The following ARID2 variants were observed in gnomAD, a reference collection of about 807,000 sequenced individuals.
The protein encoded by ARID2 is AT-rich interaction domain 2.
Under a neutral mutation model 184.6 loss-of-function variants are expected in ARID2, and 32 were observed. The ratio of observed to expected loss-of-function variants is 0.17; its 90% CI spans 0.13 to 0.23. The LOEUF is 0.23. Among genes scored for constraint, ARID2 ranks in the 10% least tolerant of loss-of-function variants. The pLI is 1.00. For synonymous variants in ARID2, 836 were observed against 772.6 expected, an observed-to-expected ratio of 1.08 and a Z score of -1.36; for missense variants, 1,696 against 2,197.6, an observed-to-expected ratio of 0.77 and a Z score of 4.56.
chr12:45,775,754 T>G (rs770127415), intron 3 of ARID2, among the ~76,000 whole-genome samples: 1 of 152,242 alleles, frequency 6.6e-6, no homozygotes, highest in Non-Finnish European at 1.5e-5. Context: ...GCCAGATGGA[T>G]GCAAATAGAA....
At chr12:45,740,120 C>T (rs1592046881) in intron 3 of ARID2, among the ~76,000 whole-genome samples, 1 of 152,260 alleles carries the variant, frequency 6.6e-6, no homozygotes, top group East Asian at 1.9e-4. Context: ...TTGTAGTTTA[C>T]ACCATTAAAG....
At chr12:45,762,770 A>G (rs1386587564) in intron 3 of ARID2, among the ~76,000 whole-genome samples, 1 of 152,232 alleles carries the variant, frequency 6.6e-6, no homozygotes, top group South Asian at 2.1e-4. Context: ...TTCTAAAGGT[A>G]ATAGCTATAA....
At chr12:45,826,133 G>A (rs1024091088) in intron 6 of ARID2, among the ~76,000 whole-genome samples, 1 of 151,836 alleles carries the variant, frequency 6.6e-6, no homozygotes, top group Admixed American at 6.6e-5. Flanking sequence ...ATGTAGATTT[G>A]TTTTTCTATC....
In ARID2 at chr12:45,892,076, A is replaced by C. The variant is rs755697854; in HGVS notation, c.5127A>C (p.Gly1709=). ...AACAAGATGAACCAGGACAAGCAGGAAGTCAGAAGTCTTCTACCAAGTAAG... is the reference window on the plus strand; with the variant it reads ...AACAAGATGAACCAGGACAAGCAGGCAGTCAGAAGTCTTCTACCAAGTAAG... ...GLKQDEPGQA[G]SQKSSTKQPT... Residue 1709 remains glycine, a synonymous_variant, in exon 18 of 21, where the codon GGA becomes GGC. Coordinates refer to ENST00000334344, the MANE Select transcript of ARID2 (RefSeq NM_152641.4). 1 of 1,614,014 alleles carries C rather than the reference A, an allele frequency of 6.2e-7. No homozygotes were observed. The highest frequency in any genetic ancestry group is 8.5e-7 in the Non-Finnish European group (1 of 1,179,946).
intron 3 of ARID2, among the ~76,000 whole-genome samples, chr12:45,772,196 A>G (rs1941890982): frequency 6.6e-6 from 1 of 152,250 alleles, no homozygotes; most frequent in Non-Finnish European, 1.5e-5. Context: ...GAATGGAGAA[A>G]CAAAAACATG....
intron 16 of ARID2, among the ~76,000 whole-genome samples, chr12:45,891,162 T>G (rs1044415279): frequency 8.3e-6 from 1 of 120,622 alleles, no homozygotes; most frequent in Non-Finnish European, 1.7e-5. Flanking sequence ...AGACTCCGTC[T>G]CAAAAAAAAA....
Position 45,893,646 on chromosome 12 carries a change from C to T in ARID2, c.5288C>T (p.Pro1763Leu), listed in dbSNP as rs2136462917. Residue 1763 changes from proline to leucine, a missense_variant, in exon 20 of 21, where the codon CCA becomes CTA. Transcript: ENST00000334344. Reference protein sequence around the residue: ...FRDFTDEKEGPITKHIRLTAA... With the variant: ...FRDFTDEKEGLITKHIRLTAA... ...CTTTTTAAGGATGAAAAAGAGGGACCAATAACTAAACACATCCGACTAACA... is the reference window on the plus strand; with the variant it reads ...CTTTTTAAGGATGAAAAAGAGGGACTAATAACTAAACACATCCGACTAACA... The T allele has an allele frequency of 6.2e-7, 1 of 1,603,454 alleles. No homozygotes were observed. Among genetic ancestry groups the T allele is most frequent in the Non-Finnish European group, 8.5e-7 (1 of 1,176,990 alleles).
intron 16 of ARID2, among the ~76,000 whole-genome samples, chr12:45,863,091 A>G (rs1943776043): frequency 6.6e-6 from 1 of 152,254 alleles, no homozygotes; most frequent in African/African-American, 2.4e-5. Context: ...AGATAGTTTC[A>G]TAGTGCTGTT....
chr12:45,837,434 G>A lies in ARID2; in HGVS notation c.1120+17G>A, dbSNP rs371910085. 1 of 1,608,586 alleles carries A rather than the reference G, an allele frequency of 6.2e-7. No homozygotes were observed. Among genetic ancestry groups the A allele is most frequent in the East Asian group, 2.2e-5 (1 of 44,780 alleles). On this transcript the variant is annotated intron_variant, in intron 9 of 20. Transcript: ENST00000334344. ...AGATGAGAGGTGAGTTTTCACTGAA[G>A]TATTTACTTTCTAAAGTAAACAAAC...
At chr12:45,769,840 G>A (rs917917785) in intron 3 of ARID2, among the ~76,000 whole-genome samples, 4 of 152,218 alleles carry the variant, frequency 2.6e-5, no homozygotes, top group African/African-American at 9.6e-5. Context: ...ATTAATAACT[G>A]CCTTCTTATC....
Position 45,860,887 on chromosome 12 carries a change from G to C in ARID2, c.4860G>C (p.Gln1620His), listed in dbSNP as rs758060968. The change falls in exon 16 of 21, where the codon CAG becomes CAC. Residue 1620 changes from glutamine to histidine, a missense_variant. Physicochemically the swap from Gln to His is conservative, Grantham distance 24 (BLOSUM62 0). Transcript: ENST00000334344. Reference sequence around the variant, plus strand: ...CTTCTCCATTCAGTGGATCCAGTCAGCCTGGAGATCCAATGAGAAAACCTG... The same window carrying C: ...CTTCTCCATTCAGTGGATCCAGTCACCCTGGAGATCCAATGAGAAAACCTG... ...SQPSPFSGSSQPGDPMRKPGQ... is the reference protein window; with the variant it reads ...SQPSPFSGSSHPGDPMRKPGQ... 1.4e-5 allele frequency: 23 copies of C among 1,603,958 alleles called. No homozygotes were observed. The highest frequency in any genetic ancestry group is 2.0e-5 in the Non-Finnish European group (23 of 1,175,082).
At chr12:45,845,046 C>T (rs2138147312) in intron 11 of ARID2, among the ~76,000 whole-genome samples, 1 of 152,266 alleles carries the variant, frequency 6.6e-6, no homozygotes, top group Non-Finnish European at 1.5e-5. Context: ...ATCCTGAGGG[C>T]AGTGCTCCTC....
At chr12:45,855,985 C>G (rs570829530) in intron 15 of ARID2, among the ~76,000 whole-genome samples, 1 of 152,088 alleles carries the variant, frequency 6.6e-6, no homozygotes, top group Non-Finnish European at 1.5e-5. Flanking sequence ...CGCGCCTTGG[C>G]CTCCCAAAGT....
chr12:45,804,888 A>G (rs564710898), intron 3 of ARID2, among the ~76,000 whole-genome samples: 5 of 152,070 alleles, frequency 3.3e-5, no homozygotes, highest in Non-Finnish European at 7.4e-5. Context: ...TGCTACAAAT[A>G]TATTCGATTT....
intron 3 of ARID2, among the ~76,000 whole-genome samples, chr12:45,738,779 CT>C (rs11333868): frequency 0.017 from 1,011 of 61,162 alleles, 2 homozygotes; most frequent in East Asian, 0.026. Context: ...ATATGGGCTA[CT>C]TTTTTTTTTT....
At chr12:45,884,064 TTTTTA>T (rs1331669787) in intron 16 of ARID2, among the ~76,000 whole-genome samples, 3 of 152,226 alleles carry the variant, frequency 2.0e-5, no homozygotes, top group Admixed American at 6.5e-5. Context: ...TCATCACTTA[TTTTTA>T]TTTTATCTCC....
At chr12:45,815,611 G>T (rs1942790784) in intron 4 of ARID2, among the ~76,000 whole-genome samples, 1 of 152,128 alleles carries the variant, frequency 6.6e-6, no homozygotes, top group Non-Finnish European at 1.5e-5. Flanking sequence ...GTGTGTGTGT[G>T]TGTGTGTGTG....
intron 16 of ARID2, among the ~76,000 whole-genome samples, chr12:45,870,505 T>C (rs1343232746): frequency 1.3e-5 from 2 of 152,202 alleles, no homozygotes; most frequent in African/African-American, 4.8e-5. Flanking sequence ...TACAGTTCTG[T>C]GGGTTTTGAC....
intron 3 of ARID2, among the ~76,000 whole-genome samples, chr12:45,761,748 A>T (rs930505160): frequency 6.6e-6 from 1 of 151,980 alleles, no homozygotes; most frequent in East Asian, 1.9e-4. Context: ...AGCCATTTCA[A>T]TCTGAGATTT....
Sources: allele counts gnomAD v4.1 joint callset (sites outside exome capture counted in the v4.1 genomes callset), GRCh38; gene constraint gnomAD v4.1.1; transcripts MANE v1.5; gene names NCBI Gene and HGNC (gene_info 2026-07-23, HGNC 2026-07-21).